Variants in ADCY2 observed in about 807,000 individuals in gnomAD.
ADCY2 encodes adenylate cyclase type 2.
A neutral mutation model predicts 125.2 loss-of-function variants in ADCY2; 31 were observed. The ratio of observed to expected loss-of-function variants is 0.25; its 90% CI spans 0.19 to 0.33. The LOEUF (loss-of-function observed/expected upper bound fraction) is 0.33. Ranked by LOEUF, ADCY2 falls within the 10% of genes least tolerant of loss-of-function variation. The pLI is 1.00. For synonymous variants in ADCY2, 512 were observed against 548.4 expected, an observed-to-expected ratio of 0.93 and a Z score of 0.93; for missense variants, 904 against 1,418.2, an observed-to-expected ratio of 0.64 and a Z score of 5.82.
chr5:7,734,271 G>T (rs1415618727), intron 14 of ADCY2, among the ~76,000 whole-genome samples: 12 of 152,120 alleles, frequency 7.9e-5, no homozygotes, highest in African/African-American at 2.9e-4. Flanking sequence ...CAGAGAGATA[G>T]CTTGTAATTA....
At chr5:7,441,414 A>G (rs1341979708) in intron 2 of ADCY2, among the ~76,000 whole-genome samples, 3 of 151,692 alleles carry the variant, frequency 2.0e-5, no homozygotes, top group Non-Finnish European at 4.4e-5. Context: ...AATTATTTTT[A>G]GTGTTTTTTT....
At chr5:7,453,695 A>G (rs1185024849) in intron 2 of ADCY2, among the ~76,000 whole-genome samples, 1 of 152,120 alleles carries the variant, frequency 6.6e-6, no homozygotes, top group Non-Finnish European at 1.5e-5. Context: ...TTGGGGAAGT[A>G]TACGTTGGCA....
At chr5:7,800,757 A>G (rs368181172) in intron 20 of ADCY2, 4 of 152,312 alleles carry the variant, frequency 2.6e-5, no homozygotes, top group African/African-American at 9.6e-5. Context: ...TATAAAACTG[A>G]CATTTTTAAC....
chr5:7,596,386 T>A (rs1004163109), intron 3 of ADCY2, among the ~76,000 whole-genome samples: 1 of 152,158 alleles, frequency 6.6e-6, no homozygotes, highest in Non-Finnish European at 1.5e-5. Flanking sequence ...ACAGTTGTTA[T>A]TTACAATGGA....
intron 1 of ADCY2, among the ~76,000 whole-genome samples, chr5:7,400,339 A>G (rs1333030482): frequency 1.3e-5 from 2 of 152,132 alleles, no homozygotes; most frequent in East Asian, 1.9e-4. Flanking sequence ...TGTTTCTTTT[A>G]TGGTGATGTA....
chr5:7,742,565 T>C (rs1742469476), intron 14 of ADCY2, among the ~76,000 whole-genome samples: 1 of 152,224 alleles, frequency 6.6e-6, no homozygotes, highest in Non-Finnish European at 1.5e-5. Context: ...GTTTGATGTG[T>C]GTCCCTGTAG....
At chr5:7,723,670 C>T (rs1265918451) in intron 12 of ADCY2, among the ~76,000 whole-genome samples, 1 of 152,034 alleles carries the variant, frequency 6.6e-6, no homozygotes, top group African/African-American at 2.4e-5. Context: ...CGCCTGTTAT[C>T]CCAGCACTTT....
At chr5:7,711,481 AT>A (rs1411624600) in intron 10 of ADCY2, among the ~76,000 whole-genome samples, 1 of 152,088 alleles carries the variant, frequency 6.6e-6, no homozygotes, top group Non-Finnish European at 1.5e-5. Context: ...GTCGAATGTG[AT>A]TTCCTGTGCT....
chr5:7,703,221 C>G (rs944030184), intron 7 of ADCY2, among the ~76,000 whole-genome samples: 9 of 152,008 alleles, frequency 5.9e-5, no homozygotes, highest in Non-Finnish European at 1.3e-4. Context: ...TGTGCAGAAG[C>G]TCTTTAATTA....
At chr5:7,634,223 G>A (rs1227115418) in intron 4 of ADCY2, among the ~76,000 whole-genome samples, 1 of 152,178 alleles carries the variant, frequency 6.6e-6, no homozygotes, top group Non-Finnish European at 1.5e-5. Context: ...CACAGTTGCA[G>A]ATACATATAC....
chr5:7,617,614 T>C (rs1474637786), intron 3 of ADCY2, among the ~76,000 whole-genome samples: 1 of 152,206 alleles, frequency 6.6e-6, no homozygotes, highest in Admixed American at 6.5e-5. Flanking sequence ...AAACATGAGA[T>C]GTCACTTGGT....
Position 7,698,232 on chromosome 5 carries a change from A to G in ADCY2, c.982-15A>G. On this transcript the variant is annotated splice_polypyrimidine_tract_variant and intron_variant, in intron 6 of 24. Coordinates refer to ENST00000338316, the MANE Select transcript of ADCY2 (RefSeq NM_020546.3). The stretch of plus-strand genomic sequence containing the variant: ...GTGCTTAATGCAACTGAAATTCTGT[A>G]ATTTATTCTTCCAGGAGAATGAATG... 6.2e-7 allele frequency: 1 copy of G among 1,613,552 alleles called. No homozygotes were observed. The highest frequency in any genetic ancestry group is 1.3e-5 in the African/African-American group (1 of 75,008).
At chr5:7,660,263 G>T (rs1008271087) in intron 4 of ADCY2, among the ~76,000 whole-genome samples, 2 of 148,938 alleles carry the variant, frequency 1.3e-5, no homozygotes, top group African/African-American at 4.9e-5. Context: ...AAGGAAGGAA[G>T]GAAGGAAGGA....
At chr5:7,686,159 T>G (rs1740512758) in intron 4 of ADCY2, among the ~76,000 whole-genome samples, 1 of 152,216 alleles carries the variant, frequency 6.6e-6, no homozygotes. Flanking sequence ...ATAGTATGTA[T>G]TTCTATATCT....
chr5:7,788,710 G>A (rs4701795), intron 19 of ADCY2, among the ~76,000 whole-genome samples: 63,580 of 151,976 alleles, frequency 0.42, 13,909 homozygotes, highest in African/African-American at 0.5. Flanking sequence ...GCATGTGTGT[G>A]TGTTTTGTGT....
intron 4 of ADCY2, among the ~76,000 whole-genome samples, chr5:7,651,201 T>C (rs1412841894): frequency 6.6e-6 from 1 of 152,200 alleles, no homozygotes. Context: ...AAGTGCAATT[T>C]GTTTGATGGC....
intron 22 of ADCY2, among the ~76,000 whole-genome samples, chr5:7,813,457 A>C (rs1745004990): frequency 6.6e-6 from 1 of 152,148 alleles, no homozygotes. Context: ...TTCCAAAACA[A>C]CCAGTTTATA....
chr5:7,417,142 T>C (rs987613297), intron 2 of ADCY2, among the ~76,000 whole-genome samples: 2 of 152,336 alleles, frequency 1.3e-5, no homozygotes, highest in Middle Eastern at 3.4e-3. Flanking sequence ...ATGGCATGTC[T>C]ATCAAAGAAT....
At chr5:7,599,687 G>C (rs915461718) in intron 3 of ADCY2, among the ~76,000 whole-genome samples, 2 of 152,152 alleles carry the variant, frequency 1.3e-5, no homozygotes, top group Non-Finnish European at 2.9e-5. Flanking sequence ...ATGAGATCTT[G>C]TGAGAGTAAA....
Sources: allele counts gnomAD v4.1 joint callset (sites outside exome capture counted in the v4.1 genomes callset), GRCh38; gene constraint gnomAD v4.1.1; transcripts MANE v1.5; gene names NCBI Gene and HGNC (gene_info 2026-07-23, HGNC 2026-07-21).